SCN1A: variants seen among roughly 807,000 people sequenced by gnomAD.
The protein encoded by SCN1A is sodium channel protein type 1 subunit alpha.
Under a neutral mutation model 193.7 loss-of-function variants are expected in SCN1A, and 13 were observed. The ratio of observed to expected loss-of-function variants is 0.07; its 90% CI spans 0.04 to 0.11. The LOEUF is 0.11. Ranked by LOEUF, SCN1A falls within the 10% of genes least tolerant of loss-of-function variation. The pLI is 1.00. For synonymous variants in SCN1A, 781 were observed against 843.6 expected, an observed-to-expected ratio of 0.93 and a Z score of 1.29; for missense variants, 1,432 against 2,451.1, an observed-to-expected ratio of 0.58 and a Z score of 8.78.
At chr2:166,028,626 A>G (rs1168263247) in intron 19 of SCN1A, among the ~76,000 whole-genome samples, 1 of 152,180 alleles carries the variant, frequency 6.6e-6, no homozygotes, top group African/African-American at 2.4e-5. Flanking sequence ...TGTTATAAGG[A>G]CTGAACAAGA....
At position 166,058,702 on chromosome 2, in the gene SCN1A, A is replaced by G. The variant is rs765088995; in HGVS notation, c.265-14T>C. 10 of 1,373,394 alleles carry G rather than the reference A, an allele frequency of 7.3e-6. No homozygotes were observed. The highest frequency in any genetic ancestry group is 1.2e-5 in the South Asian group (1 of 86,112). 85.1% of individuals were successfully genotyped at this position (1,373,394 alleles called of 1,614,324 possible). On this transcript the variant is annotated splice_polypyrimidine_tract_variant and intron_variant, in intron 4 of 28. Transcript: ENST00000674923. ...TACTATAAAAGTCTGTAAGACAGGA[A>G]CACAACATAGAAGTATGAAAGTATA...
chr2:166,108,898 A>G (rs544511897), intron 2 of SCN1A, among the ~76,000 whole-genome samples: 15 of 152,262 alleles, frequency 9.9e-5, no homozygotes, highest in African/African-American at 3.6e-4. Flanking sequence ...ACAACTCTAT[A>G]AATATACAAA....
intron 2 of SCN1A, chr2:166,123,427 C>T (rs568896624): frequency 6.6e-6 from 1 of 152,100 alleles, no homozygotes; most frequent in South Asian, 2.1e-4. Flanking sequence ...AACCAATGAT[C>T]TCATTCAAAC....
Position 166,039,403 on chromosome 2 carries a change from C to CTTTTTTTT in SCN1A, c.2589+12_2589+19dup. 6.5e-7 allele frequency: 1 copy of CTTTTTTTT among 1,531,662 alleles called. No homozygotes were observed. Among genetic ancestry groups the CTTTTTTTT allele is most frequent in the Middle Eastern group, 1.9e-4 (1 of 5,168 alleles). 94.9% of individuals were successfully genotyped at this position (1,531,662 alleles called of 1,614,324 possible). A position where few individuals can be genotyped will look rare whatever the true frequency, so the allele number is the denominator to read the frequency against. ...GTTAGAAAGGTTTTTGAATTTGGTG[C>CTTTTTTTT]TTTTTTTTTTTTTTTTTACCAATCG... On this transcript the variant is annotated intron_variant, in intron 17 of 28. Coordinates refer to ENST00000674923, the MANE Select transcript of SCN1A (RefSeq NM_001165963.4).
intron 15 of SCN1A, 36 bp from the exon 16 acceptor site, chr2:166,041,505 A>T (rs1251049169): frequency 7.6e-7 from 1 of 1,313,158 alleles, no homozygotes; most frequent in East Asian, 2.3e-5. Context: ...AACCACCAAA[A>T]GGTATACTTT....
chr2:166,014,027 A>G, intron 20 of SCN1A, 129 bp from the exon 21 acceptor site: 1 of 1,049,590 alleles, frequency 9.5e-7, no homozygotes, highest in Non-Finnish European at 1.4e-6. Context: ...CTCTAAGCCT[A>G]GAGTAGTAAG....
chr2:165,997,940 C>G lies in SCN1A; in HGVS notation c.4476+98G>C, dbSNP rs528758607. ...GAAAAATCAGTTATAATATATACTC[C>G]CATTTTGTTTCTAAATTCAAGTACT... On this transcript the variant is annotated intron_variant, in intron 26 of 28. Coordinates refer to ENST00000674923, the MANE Select transcript of SCN1A (RefSeq NM_001165963.4). 7.5e-4 allele frequency: 671 copies of G among 899,944 alleles called. 8 individuals carry two copies. The South Asian group carries it at 9.1e-3, about 12-fold the overall frequency. The allele number at this position is 899,944 out of a possible 1,614,324, so 55.7% of individuals were successfully genotyped here. A position where few individuals can be genotyped will look rare whatever the true frequency, so the allele number is the denominator to read the frequency against.
chr2:166,106,748 C>A (rs1688738430), intron 2 of SCN1A, among the ~76,000 whole-genome samples: 2 of 152,104 alleles, frequency 1.3e-5, no homozygotes, highest in Admixed American at 6.5e-5. Flanking sequence ...TGCCAATGGT[C>A]CATTGCTAAT....
At chr2:166,134,988 G>A (rs892557907) in intron 1 of SCN1A, among the ~76,000 whole-genome samples, 1 of 152,100 alleles carries the variant, frequency 6.6e-6, no homozygotes, top group Non-Finnish European at 1.5e-5. Flanking sequence ...CAATCATAAA[G>A]AATGAAGTTA....
At chr2:166,078,742 T>C (rs1162373997) in intron 2 of SCN1A, among the ~76,000 whole-genome samples, 1 of 151,698 alleles carries the variant, frequency 6.6e-6, no homozygotes, top group Non-Finnish European at 1.5e-5. Flanking sequence ...ATGCAGCCTT[T>C]GAAAAATAAT....
chr2:166,083,279 C>T (rs968408270), intron 2 of SCN1A, among the ~76,000 whole-genome samples: 1 of 151,982 alleles, frequency 6.6e-6, no homozygotes, highest in Non-Finnish European at 1.5e-5. Flanking sequence ...CATATTTCAG[C>T]CATATGTTTA....
chr2:166,059,910 G>T (rs544706770), intron 4 of SCN1A, among the ~76,000 whole-genome samples: 30 of 150,398 alleles, frequency 2.0e-4, no homozygotes, highest in Non-Finnish European at 3.8e-4. Context: ...TATCTGGTAT[G>T]GGTAGAAGTG....
At chr2:166,038,812 A>G (rs997191508) in intron 17 of SCN1A, among the ~76,000 whole-genome samples, 2 of 152,222 alleles carry the variant, frequency 1.3e-5, no homozygotes, top group African/African-American at 2.4e-5. Flanking sequence ...CCCTGATATA[A>G]GTAAAGTGTT....
chr2:166,055,350 T>C (rs1468401451), intron 6 of SCN1A, among the ~76,000 whole-genome samples: 1 of 151,996 alleles, frequency 6.6e-6, no homozygotes, highest in Non-Finnish European at 1.5e-5. Flanking sequence ...TTAAATCTTC[T>C]ACTCAGAAAT....
chr2:166,117,984 G>A (rs531537417), intron 2 of SCN1A, among the ~76,000 whole-genome samples: 1 of 146,866 alleles, frequency 6.8e-6, no homozygotes, highest in Non-Finnish European at 1.5e-5. Flanking sequence ...TTTTTTTTTT[G>A]ATTTTTTGGA....
At chr2:166,104,399 A>T (rs910930780) in intron 2 of SCN1A, 1 of 152,150 alleles carries the variant, frequency 6.6e-6, no homozygotes, top group African/African-American at 2.4e-5. Flanking sequence ...GTCCCTAATC[A>T]CCTCTGTGAA....
chr2:166,056,844 T>G (rs1428998725), intron 5 of SCN1A, among the ~76,000 whole-genome samples: 1 of 152,048 alleles, frequency 6.6e-6, no homozygotes, highest in Non-Finnish European at 1.5e-5. Flanking sequence ...GTTGCACAGT[T>G]TTTCAGCAGA....
intron 2 of SCN1A, among the ~76,000 whole-genome samples, chr2:166,104,871 C>T (rs1018042398): frequency 6.6e-6 from 1 of 152,176 alleles, no homozygotes; most frequent in African/African-American, 2.4e-5. Context: ...TGCCAGTATG[C>T]TGTTGTAAGA....
rs774918716 is a variant in SCN1A at position 166,042,311 on chromosome 2, A to T, written c.2157T>A (p.Ile719=). The change falls in exon 15 of 29, where the codon ATT becomes ATA. Residue 719 remains isoleucine, a synonymous_variant. Transcript: ENST00000674923. ...QRQRAMSIAS[I]LTNTVEELEE... is the part of the protein sequence containing the mutation. ...ACCAACCTTCTACTGTATTTGTTAG[A>T]ATGCTGGCTATACTCATTGCTCGTT... 3 of 1,613,904 alleles carry T rather than the reference A, an allele frequency of 1.9e-6. No individual in the cohort carries two copies. The highest frequency in any genetic ancestry group is 2.5e-6 in the Non-Finnish European group (3 of 1,179,862).
Sources: allele counts gnomAD v4.1 joint callset (sites outside exome capture counted in the v4.1 genomes callset), GRCh38; gene constraint gnomAD v4.1.1; transcripts MANE v1.5; gene names NCBI Gene and HGNC (gene_info 2026-07-23, HGNC 2026-07-21).